Variants in SIPA1L3 observed in about 807,000 individuals in gnomAD.
SIPA1L3 encodes the protein signal-induced proliferation-associated 1-like protein 3.
SIPA1L3 carries 59 observed loss-of-function variants against 150.1 expected under a neutral mutation model. The observed-to-expected ratio is 0.39, with a 90% CI of 0.32 to 0.49. The LOEUF is 0.49. Ranked by LOEUF, SIPA1L3 falls within the 20% of genes least tolerant of loss-of-function variation. The pLI is 0.86. For synonymous variants in SIPA1L3, 1,070 were observed against 1,077.6 expected (o/e 0.99, Z 0.14); for missense variants, 2,211 against 2,489.5 (o/e 0.89, Z 2.38).
At chr19:38,102,152 T>TTC (rs1433139090) in intron 6 of SIPA1L3, among the ~76,000 whole-genome samples, 1 of 150,328 alleles carries the variant, frequency 6.7e-6, no homozygotes, top group Non-Finnish European at 1.5e-5. Flanking sequence ...GTTCAAGGAG[T>TTC]TCTCCTGCCT....
intron 15 of SIPA1L3, among the ~76,000 whole-genome samples, chr19:38,171,065 CT>C (rs1972317781): frequency 6.6e-6 from 1 of 150,974 alleles, no homozygotes; most frequent in Admixed American, 6.6e-5. Flanking sequence ...TTTTTTAAGT[CT>C]GTTGAATTTC....
At chr19:37,940,313 A>C (rs1406908593) in intron 1 of SIPA1L3, among the ~76,000 whole-genome samples, 3 of 151,944 alleles carry the variant, frequency 2.0e-5, no homozygotes, top group Admixed American at 6.6e-5. Flanking sequence ...AAAAAAACAA[A>C]AAAAAAGCTT....
At chr19:37,990,291 G>A (rs989483026) in intron 1 of SIPA1L3, among the ~76,000 whole-genome samples, 4 of 152,210 alleles carry the variant, frequency 2.6e-5, no homozygotes, top group African/African-American at 9.6e-5. Context: ...GGCCTGGCAA[G>A]GTGGTGGGTG....
intron 8 of SIPA1L3, among the ~76,000 whole-genome samples, chr19:38,112,525 A>C (rs1245013012): frequency 6.6e-6 from 1 of 152,064 alleles, no homozygotes. Flanking sequence ...TCTCTCACAC[A>C]CAAACCTTTC....
chr19:38,030,264 G>C (rs1253549501), intron 2 of SIPA1L3, among the ~76,000 whole-genome samples: 1 of 152,086 alleles, frequency 6.6e-6, no homozygotes, highest in Non-Finnish European at 1.5e-5. Context: ...TGGTTTCTCT[G>C]TTGGTTAAAA....
chr19:37,951,516 AT>A (rs529022040), intron 1 of SIPA1L3, among the ~76,000 whole-genome samples: 31 of 152,142 alleles, frequency 2.0e-4, no homozygotes, highest in Admixed American at 5.9e-4. Flanking sequence ...TTTACAGATT[AT>A]TTTCATCTTC....
chr19:37,911,013 A>G (rs1175328191), intron 1 of SIPA1L3, among the ~76,000 whole-genome samples: 1 of 152,138 alleles, frequency 6.6e-6, no homozygotes, highest in Non-Finnish European at 1.5e-5. Flanking sequence ...TGCTTGTTGT[A>G]ACGTGTCAAA....
Position 38,082,473 on chromosome 19 carries a change from G to A in SIPA1L3, c.908G>A (p.Arg303Gln), listed in dbSNP as rs1410435666. The change falls in exon 3 of 22, where the codon CGG becomes CAG. Residue 303 changes from arginine (R) to glutamine (Q), a missense_variant. Arg to Gln is a conservative substitution (Grantham distance 43, BLOSUM62 1). Around this residue, in one of 5 missense-constraint regions of SIPA1L3, gnomAD observed 587 missense variants for 534.5 expected, o/e 1.10. Coordinates refer to ENST00000222345, the MANE Select transcript of SIPA1L3 (RefSeq NM_015073.3). The part of the protein sequence containing the change: ...GGDTVDSSIF[R>Q]KLRSSKPEGE... ...GACACGGTGGACTCGTCCATCTTTC[G>A]GAAGCTAAGGAGCAGCAAACCCGAG... The A allele has an allele frequency of 1.3e-6, 2 of 1,590,384 alleles. No individual in the cohort carries two copies. Among genetic ancestry groups the A allele is most frequent in the African/African-American group, 1.3e-5 (1 of 74,642 alleles).
chr19:38,191,971 G>A (rs550819543), intron 16 of SIPA1L3, among the ~76,000 whole-genome samples, 174 bp from the exon 17 acceptor site: 2 of 152,300 alleles, frequency 1.3e-5, no homozygotes, highest in Admixed American at 1.3e-4. Flanking sequence ...CCCGGAAAAC[G>A]TTTGTGGAAG....
intron 3 of SIPA1L3, chr19:38,087,688 C>T (rs529692488): frequency 3.0e-4 from 46 of 152,400 alleles, no homozygotes; most frequent in African/African-American, 1.1e-3. Context: ...AGGTGTGTCC[C>T]ATGCCTGGCT....
chr19:37,963,284 T>C (rs1599845375), intron 1 of SIPA1L3, among the ~76,000 whole-genome samples: 1 of 152,244 alleles, frequency 6.6e-6, no homozygotes, highest in Non-Finnish European at 1.5e-5. Context: ...CCCCCTCTAG[T>C]CTCTCTGGAG....
At chr19:38,203,983 T>A in intron 20 of SIPA1L3, 144 bp from the exon 21 acceptor site, 1 of 642,742 alleles carries the variant, frequency 1.6e-6, no homozygotes, top group Non-Finnish European at 2.7e-6. Flanking sequence ...GCTGGCTTCC[T>A]GCTTCCCCTC....
chr19:37,970,243 A>C (rs1966898949), intron 1 of SIPA1L3, among the ~76,000 whole-genome samples: 1 of 152,236 alleles, frequency 6.6e-6, no homozygotes, highest in African/African-American at 2.4e-5. Context: ...ATATTTTTTC[A>C]GGCTGGCTGG....
chr19:38,161,876 CA>C (rs11365704), intron 13 of SIPA1L3, among the ~76,000 whole-genome samples: 89,186 of 141,750 alleles, frequency 0.63, 27,840 homozygotes, highest in African/African-American at 0.77. Context: ...AGCAAGACCT[CA>C]AAAAAAAAAA....
chr19:38,139,652 C>T (rs1971524942), intron 10 of SIPA1L3, among the ~76,000 whole-genome samples: 1 of 152,210 alleles, frequency 6.6e-6, no homozygotes, highest in South Asian at 2.1e-4. Flanking sequence ...GTGTGTCGGG[C>T]CCTGGGTGCC....
intron 4 of SIPA1L3, among the ~76,000 whole-genome samples, chr19:38,091,281 G>A (rs1052638313): frequency 1.2e-4 from 19 of 152,110 alleles, no homozygotes; most frequent in African/African-American, 4.6e-4. Context: ...AGCTGCTCGG[G>A]AGGCTGAGGC....
chr19:38,124,874 C>T (rs1439312741), intron 9 of SIPA1L3, among the ~76,000 whole-genome samples: 6 of 152,122 alleles, frequency 3.9e-5, no homozygotes, highest in Admixed American at 3.3e-4. Flanking sequence ...TGGCGGCGCG[C>T]GCCTGCAATC....
At position 38,047,452 on chromosome 19, in the gene SIPA1L3, C is replaced by G. The variant is rs552763459; in HGVS notation, c.-311+18296C>G. 2.1e-4 allele frequency among the ~76,000 whole-genome samples: 32 copies of G among 152,160 alleles called. No homozygotes were observed. Among genetic ancestry groups the G allele is most frequent in the Admixed American group, 1.2e-3 (19 of 15,270 alleles). On this transcript the variant is annotated intron_variant, in intron 2 of 21. Transcript: ENST00000222345. This position sits in a 1 kb window ranked among gnomAD's most constrained non-coding sequence, Gnocchi z 4.7. ...CCAGCATCTAGAACAGGACCTGGCC[C>G]GAAAGAGCTGCTCAGTAAATATTTG...
chr19:37,921,053 C>T (rs116572273), intron 1 of SIPA1L3, among the ~76,000 whole-genome samples: 1 of 152,208 alleles, frequency 6.6e-6, no homozygotes, highest in South Asian at 2.1e-4. Flanking sequence ...AGGCCCCACA[C>T]GAACCGGAAT....
Sources: allele counts gnomAD v4.1 joint callset (sites outside exome capture counted in the v4.1 genomes callset), GRCh38; gene constraint gnomAD v4.1.1; regional missense constraint gnomAD v4.1.1; non-coding constraint Gnocchi (gnomAD v3.1); transcripts MANE v1.5; gene names NCBI Gene and HGNC (gene_info 2026-07-23, HGNC 2026-07-21).